The following ASCC3 variants were observed in gnomAD, a reference collection of about 807,000 sequenced individuals.
The protein encoded by ASCC3 is activating signal cointegrator 1 complex subunit 3.
In ASCC3, 158 loss-of-function variants were observed where a neutral mutation model predicts 256.3. The ratio of observed to expected loss-of-function variants is 0.62; its 90% CI spans 0.54 to 0.70. The LOEUF (loss-of-function observed/expected upper bound fraction) is 0.70. ASCC3 is among the 30% of genes least tolerant of loss of function. ASCC3 has a pLI of 0.00. For missense variants in ASCC3, 2,259 were observed against 2,626.0 expected (o/e 0.86, Z 3.05); for synonymous variants, 948 against 883.4 (o/e 1.07, Z -1.30).
chr6:100,766,482 T>C, intron 10 of ASCC3, 83 bp downstream of exon 10: 4 of 1,350,294 alleles, frequency 3.0e-6, no homozygotes, highest in Non-Finnish European at 4.2e-6. Context: ...ATTCTAGTTA[T>C]TTAAGATATA....
intron 8 of ASCC3, among the ~76,000 whole-genome samples, chr6:100,768,925 A>G (rs778289157): frequency 1.6e-4 from 24 of 152,154 alleles, no homozygotes; most frequent in Non-Finnish European, 2.8e-4. Flanking sequence ...TACTTGGAAA[A>G]TATCTAAATA....
intron 36 of ASCC3, 54 bp downstream of exon 36, chr6:100,589,580 A>G (rs1447737454): frequency 1.2e-6 from 2 of 1,606,832 alleles, no homozygotes; most frequent in East Asian, 2.2e-5. Context: ...ACTAGGTGGC[A>G]AAACTTTAAG....
At chr6:100,749,667 AATGTTCCGTT>A (rs1290277214) in intron 10 of ASCC3, among the ~76,000 whole-genome samples, 1 of 151,940 alleles carries the variant, frequency 6.6e-6, no homozygotes, top group African/African-American at 2.4e-5. Flanking sequence ...AATGCCCTCT[AATGTTCCGTT>A]GACTGCAATT....
chr6:100,608,229 ATACTT>A (rs1362540568), intron 30 of ASCC3, among the ~76,000 whole-genome samples: 28 of 80,874 alleles, frequency 3.5e-4, no homozygotes, highest in East Asian at 2.7e-3. Context: ...TATACTTTAT[ATACTT>A]TATACTTTAT....
At position 100,540,771 on chromosome 6, in the gene ASCC3, TG is replaced by T. The variant is rs1178693881; in HGVS notation, c.5551-385del. Among the ~76,000 whole-genome samples, 4 of 152,136 alleles carry T rather than the reference TG, an allele frequency of 2.6e-5. No homozygotes were observed. In the East Asian group the frequency reaches 7.7e-4, roughly 29 times the overall value. ...CAGAGTGTTGAATGGCAATTCAGTT[TG>T]GGGGACCTTCTTATTTTAGAGGGTG... is the stretch of plus-strand genomic sequence containing the variant. On this transcript the variant is annotated intron_variant, in intron 36 of 41. Transcript: ENST00000369162.
intron 37 of ASCC3, among the ~76,000 whole-genome samples, chr6:100,521,937 T>A (rs1262108390): frequency 2.0e-5 from 3 of 152,180 alleles, no homozygotes; most frequent in Non-Finnish European, 2.9e-5. Flanking sequence ...CTCCCCAGAC[T>A]GGGGATGGCT....
At chr6:100,691,849 C>G (rs1173812455) in intron 13 of ASCC3, among the ~76,000 whole-genome samples, 1 of 151,722 alleles carries the variant, frequency 6.6e-6, no homozygotes, top group Non-Finnish European at 1.5e-5. Flanking sequence ...ATGTTCAAAT[C>G]ATAGCTCAGC....
intron 4 of ASCC3, among the ~76,000 whole-genome samples, chr6:100,811,500 G>A (rs1377193024): frequency 6.6e-6 from 1 of 151,884 alleles, no homozygotes; most frequent in African/African-American, 2.4e-5. Flanking sequence ...CAGAAAAGTA[G>A]AGAAACTTAA....
rs1769800471 is a variant in ASCC3 at position 100,799,416 on chromosome 6, A to G, written c.1269+15T>C. 6.2e-7 allele frequency: 1 copy of G among 1,610,884 alleles called. No individual in the cohort carries two copies. The highest frequency in any genetic ancestry group is 8.5e-7 in the Non-Finnish European group (1 of 1,178,890). The stretch of plus-strand genomic sequence containing the variant: ...AGACATATTATTGAACAGTAGTTAT[A>G]TAACAATGACATACCTTTGCACCAG... On this transcript the variant is annotated intron_variant, in intron 7 of 41. Coordinates refer to ENST00000369162, the MANE Select transcript of ASCC3 (RefSeq NM_006828.4).
intron 4 of ASCC3, among the ~76,000 whole-genome samples, chr6:100,838,808 G>A (rs1772000916): frequency 1.3e-5 from 2 of 151,962 alleles, no homozygotes; most frequent in South Asian, 4.1e-4. Context: ...GATATTAATT[G>A]TCTCAGAAGA....
chr6:100,600,046 C>G (rs1370444810), intron 34 of ASCC3, among the ~76,000 whole-genome samples: 1 of 152,112 alleles, frequency 6.6e-6, no homozygotes, highest in Non-Finnish European at 1.5e-5. Context: ...GACTCAGACT[C>G]ACACCATTAG....
intron 14 of ASCC3, among the ~76,000 whole-genome samples, chr6:100,673,588 T>C (rs1229265314): frequency 3.9e-5 from 6 of 152,236 alleles, no homozygotes; most frequent in Non-Finnish European, 7.4e-5. Flanking sequence ...AAGGATAAAA[T>C]TTCAATGCTA....
intron 3 of ASCC3, chr6:100,857,239 T>C (rs1488906301): frequency 6.6e-6 from 1 of 152,138 alleles, no homozygotes. Context: ...CTCATGTTCA[T>C]ATAGGATTAT....
At chr6:100,701,326 T>C (rs897615463) in intron 13 of ASCC3, among the ~76,000 whole-genome samples, 7 of 152,204 alleles carry the variant, frequency 4.6e-5, no homozygotes, top group Admixed American at 6.5e-5. Context: ...CAAGATCTGA[T>C]GGTTTTAAAA....
chr6:100,662,837 C>T (rs1256800017), intron 14 of ASCC3, among the ~76,000 whole-genome samples: 2 of 152,048 alleles, frequency 1.3e-5, no homozygotes, highest in Non-Finnish European at 2.9e-5. Flanking sequence ...TCTTAGCCTT[C>T]AAAATATACA....
At chr6:100,628,101 A>C in intron 27 of ASCC3, 114 bp from the exon 28 acceptor site, 3 of 1,149,570 alleles carry the variant, frequency 2.6e-6, no homozygotes, top group Non-Finnish European at 2.5e-6. Context: ...CAAAAAAAAA[A>C]ACAAAAAAAA....
chr6:100,751,617 A>C lies in ASCC3; in HGVS notation c.1737+14948T>G, dbSNP rs143907342. Among the ~76,000 whole-genome samples the C allele has an allele frequency of 4.6e-3, 704 of 152,218 alleles. 1 individual carries two copies. The highest frequency in any genetic ancestry group is 0.016 in the African/African-American group (683 of 41,556). ...TTTTTATGCTTGATATAAACACCAA[A>C]AAGTTTTGCTGTAAAAACATTAATG... On this transcript the variant is annotated intron_variant, in intron 10 of 41. Transcript: ENST00000369162.
At chr6:100,730,744 T>C (rs1377858978) in intron 10 of ASCC3, among the ~76,000 whole-genome samples, 1 of 152,190 alleles carries the variant, frequency 6.6e-6, no homozygotes, top group Non-Finnish European at 1.5e-5. Context: ...GTCCCCATAA[T>C]GGAATCTGAC....
chr6:100,557,730 A>G (rs1769683895), intron 36 of ASCC3, among the ~76,000 whole-genome samples: 1 of 151,836 alleles, frequency 6.6e-6, no homozygotes, highest in South Asian at 2.1e-4. Context: ...GGTGGGGGGT[A>G]AGGATTGTTA....
Sources: gnomAD v4.1 joint callset for allele counts (sites outside exome capture counted in the v4.1 genomes callset) on GRCh38, gnomAD v4.1.1 for gene constraint, MANE v1.5 for transcripts, NCBI Gene and HGNC (gene_info 2026-07-23, HGNC 2026-07-21) for gene names.